The following CDH12 variants were observed in gnomAD, a reference collection of about 807,000 sequenced individuals.
CDH12 encodes cadherin-12.
CDH12 carries 41 observed loss-of-function variants against 74.1 expected under a neutral mutation model. The ratio of observed to expected loss-of-function variants is 0.55; its 90% CI spans 0.43 to 0.72. The LOEUF (loss-of-function observed/expected upper bound fraction) is 0.72, where lower values mean the gene tolerates loss of function less well. CDH12 is among the 30% of genes least tolerant of loss of function. The pLI, the probability that CDH12 is intolerant of heterozygous loss-of-function variation, is 0.00. For synonymous variants in CDH12, 399 were observed against 355.0 expected (o/e 1.12, Z -1.39); for missense variants, 945 against 977.2 (o/e 0.97, Z 0.44).
At chr5:22,588,607 G>GA (rs902359337) in intron 1 of CDH12, among the ~76,000 whole-genome samples, 17 of 151,836 alleles carry the variant, frequency 1.1e-4, no homozygotes, top group East Asian at 5.8e-4. Context: ...ATATTTTTGG[G>GA]AAAAAAACAT....
chr5:22,043,011 T>C (rs28842264), intron 5 of CDH12, among the ~76,000 whole-genome samples: 34,837 of 151,834 alleles, frequency 0.23, 4,114 homozygotes, highest in South Asian at 0.33. Flanking sequence ...TGGTGAAATC[T>C]ACTGAGCATT....
chr5:22,230,473 A>ATTT lies in CDH12; in HGVS notation c.-332-17833_-332-17831dup, dbSNP rs35066570. Among the ~76,000 whole-genome samples, 58 of 133,610 alleles carry ATTT rather than the reference A, an allele frequency of 4.3e-4. 1 individual carries two copies. In the East Asian group the frequency reaches 9.9e-3, roughly 23 times the overall value. 87.7% of individuals were successfully genotyped at this position (133,610 alleles called of 152,430 possible). ...TATTGTCAAAAAAAGAGATGTCATA[A>ATTT]TTTTTTTTTTTTTTTTTTGACAGAG... On this transcript the variant is annotated intron_variant, in intron 3 of 14. Coordinates refer to ENST00000382254, the MANE Select transcript of CDH12 (RefSeq NM_004061.5).
At chr5:22,820,004 CATATACATAT>C (rs1464084183) in intron 1 of CDH12, among the ~76,000 whole-genome samples, 84 of 145,006 alleles carry the variant, frequency 5.8e-4, no homozygotes, top group East Asian at 3.8e-3. Context: ...CATATATATA[CATATACATAT>C]ATATACATAT....
intron 1 of CDH12, among the ~76,000 whole-genome samples, chr5:22,803,691 T>C (rs1296518237): frequency 6.6e-6 from 1 of 152,200 alleles, no homozygotes; most frequent in Non-Finnish European, 1.5e-5. Context: ...TTTTCATATC[T>C]ATAGAAAATT....
At chr5:22,383,460 T>C (rs1418788228) in intron 3 of CDH12, among the ~76,000 whole-genome samples, 1 of 152,194 alleles carries the variant, frequency 6.6e-6, no homozygotes, top group Non-Finnish European at 1.5e-5. Flanking sequence ...GCAGATGTCA[T>C]TTTTGAGAGA....
intron 2 of CDH12, among the ~76,000 whole-genome samples, chr5:22,431,236 G>A (rs190132682): frequency 1.5e-4 from 23 of 152,150 alleles, no homozygotes; most frequent in African/African-American, 4.1e-4. Context: ...ACATATGGTC[G>A]TACTCCCCAT....
chr5:22,197,441 C>T (rs1428769754), intron 4 of CDH12, among the ~76,000 whole-genome samples: 3 of 151,826 alleles, frequency 2.0e-5, no homozygotes, highest in Admixed American at 6.6e-5. Flanking sequence ...AGCGAGACAC[C>T]GTCTCAAAAT....
At position 22,251,874 on chromosome 5, in the gene CDH12, G is replaced by A. The variant is rs151263335; in HGVS notation, c.-332-39231C>T. Among the ~76,000 whole-genome samples, 519 of 152,112 alleles carry A rather than the reference G, an allele frequency of 3.4e-3. 5 individuals carry two copies. Among genetic ancestry groups the A allele is most frequent in the African/African-American group, 0.012 (491 of 41,508 alleles). ...CCAAGTAGCAGAAAAAAATATAGAT[G>A]TATTTTCTTGTGATTAAGATATTTT... On this transcript the variant is annotated intron_variant, in intron 3 of 14. Transcript: ENST00000382254.
intron 2 of CDH12, among the ~76,000 whole-genome samples, chr5:22,428,013 A>G (rs1744012451): frequency 6.6e-6 from 1 of 152,188 alleles, no homozygotes; most frequent in South Asian, 2.1e-4. Context: ...AGGTTCTACT[A>G]TAGTGTTTAC....
intron 1 of CDH12, among the ~76,000 whole-genome samples, chr5:22,545,224 C>T (rs1022481955): frequency 6.6e-6 from 1 of 152,266 alleles, no homozygotes; most frequent in Non-Finnish European, 1.5e-5. Context: ...CCGGTGCCAG[C>T]TCAATACCCA....
chr5:22,362,821 T>C (rs1449604505), intron 3 of CDH12, among the ~76,000 whole-genome samples: 1 of 151,134 alleles, frequency 6.6e-6, no homozygotes, highest in Non-Finnish European at 1.5e-5. Flanking sequence ...CTCAGCAAAC[T>C]ATCCCAAGGA....
At chr5:22,719,716 A>C (rs1322316787) in intron 1 of CDH12, among the ~76,000 whole-genome samples, 1 of 152,184 alleles carries the variant, frequency 6.6e-6, no homozygotes, top group African/African-American at 2.4e-5. Flanking sequence ...CAGGGAAAAT[A>C]ATCATAATTT....
chr5:22,705,130 T>TATATACACACACACACACAC (rs752782183), intron 1 of CDH12, among the ~76,000 whole-genome samples: 2 of 125,546 alleles, frequency 1.6e-5, no homozygotes, highest in African/African-American at 6.1e-5. Context: ...TATATATATA[T>TATATACACACACACACACAC]ACACACACAC....
At chr5:22,781,441 C>T (rs897246713) in intron 1 of CDH12, among the ~76,000 whole-genome samples, 14 of 152,126 alleles carry the variant, frequency 9.2e-5, no homozygotes, top group African/African-American at 3.1e-4. Flanking sequence ...TTCTTTCTGT[C>T]TATTTCATTT....
chr5:22,843,228 C>T (rs183803502), intron 1 of CDH12, among the ~76,000 whole-genome samples: 1 of 152,066 alleles, frequency 6.6e-6, no homozygotes, highest in East Asian at 1.9e-4. Flanking sequence ...GGAAGTCTTC[C>T]CCAATTCTAT....
At chr5:22,514,198 T>C (rs1736719092) in intron 1 of CDH12, among the ~76,000 whole-genome samples, 1 of 151,970 alleles carries the variant, frequency 6.6e-6, no homozygotes, top group Non-Finnish European at 1.5e-5. Flanking sequence ...AGTCGGTCAA[T>C]TGACAGTATC....
At position 22,642,941 on chromosome 5, in the gene CDH12, G is replaced by A. The variant is rs184012625; in HGVS notation, c.-522-137577C>T. On this transcript the variant is annotated intron_variant, in intron 1 of 14. Coordinates refer to ENST00000382254, the MANE Select transcript of CDH12 (RefSeq NM_004061.5). ...GACTTGACTTTTCGTTACTGTGCAAGTGAATGGGGTTCTCATTGGAATTTA... is the reference window on the plus strand; with the variant it reads ...GACTTGACTTTTCGTTACTGTGCAAATGAATGGGGTTCTCATTGGAATTTA... Among the ~76,000 whole-genome samples the A allele has an allele frequency of 1.5e-3, 233 of 152,208 alleles. 3 individuals are homozygous for A. The highest frequency in any genetic ancestry group is 1.4e-3 in the Non-Finnish European group (94 of 68,000).
At chr5:22,182,555 T>C (rs1749704671) in intron 4 of CDH12, among the ~76,000 whole-genome samples, 1 of 152,162 alleles carries the variant, frequency 6.6e-6, no homozygotes, top group African/African-American at 2.4e-5. Context: ...GGAGCACAGT[T>C]AATTTTTGTT....
chr5:22,491,622 C>CAAAAAAAAAAAAAA (rs33936783), intron 2 of CDH12, among the ~76,000 whole-genome samples: 4 of 135,618 alleles, frequency 2.9e-5, no homozygotes, highest in Admixed American at 7.5e-5. Context: ...AAAAAAAAAA[C>CAAAAAAAAAAAAAA]AAAAAAAAAA....
Sources: gnomAD v4.1 joint callset for allele counts (sites outside exome capture counted in the v4.1 genomes callset) on GRCh38, gnomAD v4.1.1 for gene constraint, MANE v1.5 for transcripts, NCBI Gene and HGNC (gene_info 2026-07-23, HGNC 2026-07-21) for gene names.